Variants in TMEM204 observed in about 807,000 individuals in gnomAD.
TMEM204 encodes transmembrane protein 204, also known as claudin-like protein 24.
TMEM204 carries 15 observed loss-of-function variants against 19.4 expected under a neutral mutation model. That is an observed-to-expected ratio of 0.77 (90% CI 0.52 to 1.19). The LOEUF (loss-of-function observed/expected upper bound fraction) is 1.19, where lower values mean the gene tolerates loss of function less well. Among genes scored for constraint, TMEM204 ranks in the 50% most tolerant of loss-of-function variants. The pLI is 0.00. For synonymous variants in TMEM204, 161 were observed against 146.0 expected, an observed-to-expected ratio of 1.10 and a Z score of -0.74; for missense variants, 287 against 321.2, an observed-to-expected ratio of 0.89 and a Z score of 0.81.
Position 1,535,100 on chromosome 16 carries a change from G to A in TMEM204, c.280+545G>A, listed in dbSNP as rs145848695. Among the ~76,000 whole-genome samples, 1,232 of 152,206 alleles carry A rather than the reference G, an allele frequency of 8.1e-3. 10 individuals are homozygous for A. The highest frequency in any genetic ancestry group is 0.012 in the Non-Finnish European group (803 of 68,016). ...TACTCATGAGTAAAATAAACAAGAA[G>A]TTTAAAAATACACGGGTGAGTTCTG... On this transcript the variant is annotated intron_variant, in intron 1 of 2. Transcript: ENST00000566264.
rs2032609675 is a variant in TMEM204, at chr16:1,551,241, C to T, written c.437-3541C>T. The stretch of plus-strand genomic sequence containing the variant: ...GAGCCTGCCCTGTGGCGGGGGAGAG[C>T]GGCCAGAGCCACCCATGGGTAAAGA... On this transcript the variant is annotated intron_variant, in intron 2 of 2. Coordinates refer to ENST00000566264, the MANE Select transcript of TMEM204 (RefSeq NM_024600.6). The surrounding 1 kb of genome is among the most constrained non-coding windows in gnomAD (Gnocchi z 4.0). Among the ~76,000 whole-genome samples the T allele has an allele frequency of 6.6e-6, 1 of 152,294 alleles. No homozygotes were observed. The highest frequency in any genetic ancestry group is 6.5e-5 in the Admixed American group (1 of 15,302).
At chr16:1,541,649 A>G (rs2031648037) in intron 1 of TMEM204, 1 of 349,810 alleles carries the variant, frequency 2.9e-6, no homozygotes, top group Non-Finnish European at 4.0e-6. Flanking sequence ...CAGAAATAGC[A>G]GAGTAGGGCC....
chr16:1,534,745 G>A (rs1172568102), intron 1 of TMEM204, among the ~76,000 whole-genome samples, 190 bp downstream of exon 1: 1 of 150,850 alleles, frequency 6.6e-6, no homozygotes, highest in Non-Finnish European at 1.5e-5. Context: ...CCCTCTCCCT[G>A]GTGAGTGGTG....
chr16:1,543,392 G>A (rs1366042895), intron 2 of TMEM204, among the ~76,000 whole-genome samples: 1 of 152,236 alleles, frequency 6.6e-6, no homozygotes, highest in Non-Finnish European at 1.5e-5. Flanking sequence ...TGCCCTGAGC[G>A]AGTCAGGCCG....
In TMEM204 at chr16:1,534,211, C is replaced by T; in HGVS notation, c.-65C>T. ...CCACCCCTAGCAGCGTCGGCTCTCC[C>T]TGGACGTGCGGCCGCGGACTGGGAC... On this transcript the variant is annotated 5_prime_UTR_variant, in exon 1 of 3. Coordinates refer to ENST00000566264, the MANE Select transcript of TMEM204 (RefSeq NM_024600.6). 6.3e-7 allele frequency: 1 copy of T among 1,589,662 alleles called. No homozygotes were observed. Among genetic ancestry groups the T allele is most frequent in the Non-Finnish European group, 8.5e-7 (1 of 1,174,932 alleles).
chr16:1,530,979 C>CG (rs2030420891), upstream of TMEM204: 1 of 152,256 alleles, frequency 6.6e-6, no homozygotes, highest in South Asian at 2.1e-4. Flanking sequence ...ACGGGAAGGG[C>CG]GGTCACAGAC....
At chr16:1,544,850 G>T (rs373007828) in intron 2 of TMEM204, among the ~76,000 whole-genome samples, 2 of 149,234 alleles carry the variant, frequency 1.3e-5, no homozygotes, top group Non-Finnish European at 3.0e-5. Context: ...GGGTTTCACC[G>T]TGTTAGCCAG....
Position 1,534,167 on chromosome 16 carries a change from G to T in TMEM204, c.-109G>T. On this transcript the variant is annotated 5_prime_UTR_variant, in exon 1 of 3. It removes an upstream start codon present in the reference 5' UTR. Coordinates refer to ENST00000566264, the MANE Select transcript of TMEM204 (RefSeq NM_024600.6). Reference sequence around the variant, plus strand: ...CCTCCGCCCGCGCCGCCCCGAGGATGAGTGGTGATGTCCTCTAGCCACCCC... The same window carrying T: ...CCTCCGCCCGCGCCGCCCCGAGGATTAGTGGTGATGTCCTCTAGCCACCCC... 1 of 1,419,684 alleles carries T rather than the reference G, an allele frequency of 7.0e-7. No homozygotes were observed. Among genetic ancestry groups the T allele is most frequent in the Non-Finnish European group, 9.4e-7 (1 of 1,058,324 alleles). The allele number at this position is 1,419,684 out of a possible 1,614,324, so 87.9% of individuals were successfully genotyped here. A position where few individuals can be genotyped will look rare whatever the true frequency, so the allele number is the denominator to read the frequency against.
At chr16:1,539,773 C>T (rs2031450508) in intron 1 of TMEM204, among the ~76,000 whole-genome samples, 1 of 152,302 alleles carries the variant, frequency 6.6e-6, no homozygotes, top group African/African-American at 2.4e-5. Flanking sequence ...TGCCTGTCTG[C>T]GGGCAGGCAG....
At chr16:1,544,793 C>T (rs944279933) in intron 2 of TMEM204, among the ~76,000 whole-genome samples, 3 of 151,568 alleles carry the variant, frequency 2.0e-5, no homozygotes, top group South Asian at 2.1e-4. Context: ...GGACTACAGG[C>T]ACCCGCCACC....
chr16:1,545,156 G>C (rs1765454684), intron 2 of TMEM204, among the ~76,000 whole-genome samples: 1 of 152,242 alleles, frequency 6.6e-6, no homozygotes, highest in African/African-American at 2.4e-5. Flanking sequence ...AGCATTCCCG[G>C]GGGACAGGGC....
chr16:1,539,775 G>A (rs2031451085), intron 1 of TMEM204, among the ~76,000 whole-genome samples: 1 of 152,210 alleles, frequency 6.6e-6, no homozygotes, highest in Non-Finnish European at 1.5e-5. Flanking sequence ...CCTGTCTGCG[G>A]GCAGGCAGCG....
At chr16:1,540,228 C>T (rs1209752087) in intron 1 of TMEM204, among the ~76,000 whole-genome samples, 2 of 152,220 alleles carry the variant, frequency 1.3e-5, no homozygotes, top group East Asian at 1.9e-4. Flanking sequence ...GCAGATGCCT[C>T]GGCTCCAGAG....
Position 1,555,287 on chromosome 16 carries a change from G to A in TMEM204, c.*261G>A. 2 of 475,472 alleles carry A rather than the reference G, an allele frequency of 4.2e-6. No homozygotes were observed. The highest frequency in any genetic ancestry group is 7.5e-6 in the Non-Finnish European group (2 of 266,564). The allele number at this position is 475,472 out of a possible 1,614,324, so 29.5% of individuals were successfully genotyped here. A position where few individuals can be genotyped will look rare whatever the true frequency, so the allele number is the denominator to read the frequency against. On this transcript the variant is annotated 3_prime_UTR_variant, in exon 3 of 3. Transcript: ENST00000566264. Reference sequence around the variant, plus strand: ...CGGCTCCACGACCACACGCACTTCAGGGTGGAAGCTGGAAGCTGAGACACA... The same window carrying A: ...CGGCTCCACGACCACACGCACTTCAAGGTGGAAGCTGGAAGCTGAGACACA...
chr16:1,549,142 TGGCGTCCGAG>T (rs772280737), intron 2 of TMEM204, among the ~76,000 whole-genome samples: 1 of 152,268 alleles, frequency 6.6e-6, no homozygotes, highest in Non-Finnish European at 1.5e-5. Flanking sequence ...TGGGTCTCAC[TGGCGTCCGAG>T]GGCGCTGTCC....
At position 1,553,148 on chromosome 16, in the gene TMEM204, A is replaced by G. The variant is rs1053237433; in HGVS notation, c.437-1634A>G. 3 of 985,228 alleles carry G rather than the reference A, an allele frequency of 3.0e-6. No homozygotes were observed. In the African/African-American group the frequency reaches 5.2e-5, roughly 17 times the overall value. The allele number at this position is 985,228 out of a possible 1,614,324, so 61.0% of individuals were successfully genotyped here. A position where few individuals can be genotyped will look rare whatever the true frequency, so the allele number is the denominator to read the frequency against. On this transcript the variant is annotated intron_variant, in intron 2 of 2. Transcript: ENST00000566264. The surrounding 1 kb of genome is among the most constrained non-coding windows in gnomAD (Gnocchi z 4.4). ...AAAAGATAATGCTTGGGTTTTTAGG[A>G]AAAACAAGGCTGGTTACCCATCTCT...
chr16:1,543,459 G>A (rs1043386996), intron 2 of TMEM204, among the ~76,000 whole-genome samples: 1 of 152,226 alleles, frequency 6.6e-6, no homozygotes, highest in African/African-American at 2.4e-5. Context: ...ACTTCCCCTG[G>A]CGGGTAGGGG....
chr16:1,535,589 G>A (rs913690810), intron 1 of TMEM204, among the ~76,000 whole-genome samples: 3 of 152,162 alleles, frequency 2.0e-5, no homozygotes, highest in Non-Finnish European at 4.4e-5. Context: ...CACACATCAC[G>A]TGTGCCTCAA....
chr16:1,551,461 C>T lies in TMEM204; in HGVS notation c.437-3321C>T, dbSNP rs1441564424. On this transcript the variant is annotated intron_variant, in intron 2 of 2. Coordinates refer to ENST00000566264, the MANE Select transcript of TMEM204 (RefSeq NM_024600.6). The surrounding 1 kb of genome is among the most constrained non-coding windows in gnomAD (Gnocchi z 4.0). ...ACTGGGCCCCAGGGTGGCAGAAGGG[C>T]GGCCGCAGGTAGCAGGGGAGACCCT... Among the ~76,000 whole-genome samples the T allele has an allele frequency of 1.2e-4, 19 of 152,258 alleles. 1 individual carries two copies. The East Asian group carries it at 1.9e-3, about 15-fold the overall frequency.
Sources: gnomAD v4.1 joint callset for allele counts (sites outside exome capture counted in the v4.1 genomes callset) on GRCh38, gnomAD v4.1.1 for gene constraint, Gnocchi (gnomAD v3.1) non-coding constraint, MANE v1.5 for transcripts, NCBI Gene and HGNC (gene_info 2026-07-23, HGNC 2026-07-21) for gene names.